FAM186B: variants seen among roughly 807,000 people sequenced by gnomAD.
FAM186B encodes the protein family with sequence similarity 186 member B.
Under a neutral mutation model 83.4 loss-of-function variants are expected in FAM186B, and 68 were observed. That is an observed-to-expected ratio of 0.81 (90% confidence interval 0.67 to 1.00). FAM186B has a LOEUF of 1.00. FAM186B is among the 50% of genes least tolerant of loss of function. The probability of loss-of-function intolerance (pLI) is 0.00; values close to 1 mark genes in which losing one functional copy is unlikely to be tolerated. For missense variants in FAM186B, 983 were observed against 1,099.2 expected, an observed-to-expected ratio of 0.89 and a Z score of 1.49; for synonymous variants, 389 against 422.0, an observed-to-expected ratio of 0.92 and a Z score of 0.96.
chr12:49,600,545 C>T lies in FAM186B; in HGVS notation c.1095G>A (p.Glu365=). 2 of 1,613,934 alleles carry T rather than the reference C, an allele frequency of 1.2e-6. No homozygotes were observed. Among genetic ancestry groups the T allele is most frequent in the African/African-American group, 1.3e-5 (1 of 75,064 alleles). ...TTGGGGGAAGTGGCGAGAACAACTGCTCCTCCTTCATCGGTTCCTGTTGGC... is the reference window on the plus strand; with the variant it reads ...TTGGGGGAAGTGGCGAGAACAACTGTTCCTCCTTCATCGGTTCCTGTTGGC... ...EESQQEPMKE[E]QLFSPLPPSP... The change falls in exon 4 of 7, where the codon GAG becomes GAA. Residue 365 remains glutamate, a synonymous_variant. Coordinates refer to ENST00000257894, the MANE Select transcript of FAM186B (RefSeq NM_032130.3). This position sits in a 1 kb window ranked among gnomAD's most constrained non-coding sequence, Gnocchi z 4.3.
chr12:49,585,513 G>A (rs1383012222), downstream of FAM186B, among the ~76,000 whole-genome samples: 7 of 152,206 alleles, frequency 4.6e-5, no homozygotes, highest in Non-Finnish European at 1.5e-5. Flanking sequence ...TCAGAGAAGG[G>A]GGGCTGCTGG....
At chr12:49,595,883 G>C (rs1280774382) in intron 5 of FAM186B, among the ~76,000 whole-genome samples, 1 of 152,226 alleles carries the variant, frequency 6.6e-6, no homozygotes, top group Non-Finnish European at 1.5e-5. Flanking sequence ...TACTCGGGAG[G>C]CTGAGGCAGA....
At chr12:49,587,080 G>A (rs1271388680), downstream of FAM186B, among the ~76,000 whole-genome samples, 3 of 152,212 alleles carry the variant, frequency 2.0e-5, no homozygotes, top group South Asian at 6.2e-4. Flanking sequence ...AGCCCAGAGA[G>A]GCAAAGGAGA....
chr12:49,588,662 G>A (rs778512617), intron 5 of FAM186B, 39 bp from the exon 6 acceptor site: 4 of 1,536,096 alleles, frequency 2.6e-6, no homozygotes, highest in East Asian at 2.3e-5. Context: ...GAAACAGGAA[G>A]TTATCTCCTC....
At chr12:49,584,244 T>A, downstream of FAM186B, 1 of 460,532 alleles carries the variant, frequency 2.2e-6, no homozygotes, top group Non-Finnish European at 4.0e-6. Flanking sequence ...TAAAACTGAG[T>A]TGAGGAGGTG....
chr12:49,593,114 C>T (rs979579719), intron 5 of FAM186B: 5 of 152,174 alleles, frequency 3.3e-5, no homozygotes, highest in African/African-American at 7.2e-5. Flanking sequence ...GTGCTCACTT[C>T]GGTAGCACAT....
chr12:49,610,135 G>C (rs1940069733), upstream of FAM186B, among the ~76,000 whole-genome samples: 1 of 149,134 alleles, frequency 6.7e-6, no homozygotes, highest in Non-Finnish European at 1.5e-5. Flanking sequence ...GAGGGAAAGG[G>C]AAGGTGGAAA....
intron 5 of FAM186B, among the ~76,000 whole-genome samples, chr12:49,597,400 T>TA (rs938580713): frequency 4.9e-5 from 3 of 61,190 alleles, no homozygotes; most frequent in African/African-American, 2.1e-4. Context: ...ATGTGAAATC[T>TA]AAAAAAAACA....
At chr12:49,605,111 C>T (rs1225027585) in intron 1 of FAM186B, 3 of 1,213,396 alleles carry the variant, frequency 2.5e-6, no homozygotes, top group Non-Finnish European at 3.2e-6. Context: ...CCCACCACAC[C>T]ACCACGATGT....
the FAM186B span, among the ~76,000 whole-genome samples, chr12:49,613,875 G>A: frequency 3.2e-4 from 48 of 151,906 alleles, no homozygotes; most frequent in South Asian, 7.3e-3. Context: ...CTGGCCGGGC[G>A]CGGTGGCTCA....
At chr12:49,605,758 C>CTTTTT (rs1222575062), upstream of FAM186B, 22 of 150,952 alleles carry the variant, frequency 1.5e-4, no homozygotes, top group East Asian at 1.9e-4. Flanking sequence ...GTTGCCTTTT[C>CTTTTT]TTTTTTTTTT....
chr12:49,599,312 G>T (rs547735501), intron 4 of FAM186B, among the ~76,000 whole-genome samples, 157 bp downstream of exon 4: 9 of 152,340 alleles, frequency 5.9e-5, no homozygotes, highest in Middle Eastern at 6.8e-3. Flanking sequence ...CCCCAGGCCA[G>T]ACTTGCTTTC....
At chr12:49,607,053 A>C (rs1227891551), upstream of FAM186B, among the ~76,000 whole-genome samples, 5 of 152,218 alleles carry the variant, frequency 3.3e-5, no homozygotes, top group African/African-American at 1.2e-4. Context: ...TCACAGGGAA[A>C]GTTATGAAAT....
Position 49,594,889 on chromosome 12 carries a change from G to A in FAM186B, c.2364+3866C>T, listed in dbSNP as rs1270562884. On this transcript the variant is annotated intron_variant, in intron 5 of 6. Coordinates refer to ENST00000257894, the MANE Select transcript of FAM186B (RefSeq NM_032130.3). ...GACTCTGTCTCAAAAAAAAAAAAAA[G>A]GAATGCCGCAGACTGAAAGATAATA... is the stretch of plus-strand genomic sequence containing the variant. Among the ~76,000 whole-genome samples the A allele has an allele frequency of 6.0e-4, 90 of 149,830 alleles. 1 individual carries two copies. Among genetic ancestry groups the A allele is most frequent in the Non-Finnish European group, 1.0e-4 (7 of 67,424 alleles).
intron 5 of FAM186B, among the ~76,000 whole-genome samples, chr12:49,590,137 T>G (rs866906118): frequency 6.6e-4 from 100 of 151,978 alleles, no homozygotes; most frequent in African/African-American, 2.3e-3. Flanking sequence ...GATTCCAATA[T>G]AAGTTTTTTT....
intron 5 of FAM186B, among the ~76,000 whole-genome samples, chr12:49,590,950 G>A (rs1939567716): frequency 6.6e-6 from 1 of 152,006 alleles, no homozygotes; most frequent in Non-Finnish European, 1.5e-5. Context: ...TTTTTTTGAG[G>A]AGATAAACTA....
At position 49,589,978 on chromosome 12, in the gene FAM186B, CAAAAAAAAAAAAAAA is replaced by C. The variant is rs57724815; in HGVS notation, c.2365-1370_2365-1356del. On this transcript the variant is annotated intron_variant, in intron 5 of 6. Transcript: ENST00000257894. ...CCTGGCAATAGCGAGACTCTGTCTC[CAAAAAAAAAAAAAAA>C]AAAAAAAAGTCAAAAGAGGAGAATA... Among the ~76,000 whole-genome samples, 6 of 60,710 alleles carry C rather than the reference CAAAAAAAAAAAAAAA, an allele frequency of 9.9e-5. No individual in the cohort carries two copies. In the South Asian group the frequency reaches 2.0e-3, roughly 21 times the overall value. The allele number at this position is 60,710 out of a possible 152,430, so 39.8% of individuals were successfully genotyped here.
chr12:49,598,729 C>G (rs376947228), intron 5 of FAM186B, 26 bp downstream of exon 5: 17 of 1,503,908 alleles, frequency 1.1e-5, no homozygotes, highest in Non-Finnish European at 1.5e-5. Context: ...GGCGGAGTGG[C>G]GGGGGGGTCA....
chr12:49,600,792 A>C lies in FAM186B; in HGVS notation c.848T>G (p.Met283Arg). Residue 283 changes from methionine to arginine, a missense_variant, in exon 4 of 7, where the codon ATG becomes AGG. By Grantham distance (91) the Met-to-Arg change is moderately conservative. Transcript: ENST00000257894. The surrounding 1 kb of genome is among the most constrained non-coding windows in gnomAD (Gnocchi z 4.3). ...ATCCCTCCTGCTCTCAAGGACCTCC[A>C]TGAACTGCTGGAAGTGCAGCCTCTG... The part of the protein sequence containing the change: ...SSQRLHFQQF[M>R]EVLESRRDAL... The C allele has an allele frequency of 6.2e-7, 1 of 1,612,650 alleles. No homozygotes were observed. Among genetic ancestry groups the C allele is most frequent in the Non-Finnish European group, 8.5e-7 (1 of 1,179,060 alleles).
Sources: allele counts gnomAD v4.1 joint callset (sites outside exome capture counted in the v4.1 genomes callset), GRCh38; gene constraint gnomAD v4.1.1; non-coding constraint Gnocchi (gnomAD v3.1); transcripts MANE v1.5; gene names NCBI Gene and HGNC (gene_info 2026-07-23, HGNC 2026-07-21).